The following STARD13 variants were observed in gnomAD, a reference collection of about 807,000 sequenced individuals.
STARD13 encodes StAR related lipid transfer domain containing 13.
In STARD13, 62 loss-of-function variants were observed where a neutral mutation model predicts 106.4. The observed-to-expected ratio is 0.58, with a 90% CI of 0.48 to 0.72. STARD13 has a LOEUF of 0.72. Ranked by LOEUF, STARD13 falls within the 30% of genes least tolerant of loss-of-function variation. The pLI is 0.00. For synonymous variants in STARD13, 565 were observed against 553.0 expected (o/e 1.02, Z -0.31); for missense variants, 1,387 against 1,424.0 (o/e 0.97, Z 0.42).
chr13:33,666,461 T>C, the STARD13 span, among the ~76,000 whole-genome samples: 2 of 150,226 alleles, frequency 1.3e-5, no homozygotes, highest in African/African-American at 5.0e-5. Context: ...GCCCGGCTAA[T>C]TTTTTTTGTA....
the STARD13 span, among the ~76,000 whole-genome samples, chr13:33,614,251 T>C: frequency 8.0e-6 from 1 of 124,308 alleles, no homozygotes; most frequent in Non-Finnish European, 1.8e-5. Context: ...ATAGACCGTA[T>C]CTCTATGGAT....
chr13:33,518,864 CT>C, the STARD13 span, among the ~76,000 whole-genome samples: 1 of 110,680 alleles, frequency 9.0e-6, no homozygotes, highest in East Asian at 2.5e-4. Flanking sequence ...TGAACCAAAT[CT>C]ATTTCTACCC....
chr13:33,320,496 T>C (rs151245517), intron 1 of STARD13, among the ~76,000 whole-genome samples: 44 of 152,350 alleles, frequency 2.9e-4, no homozygotes, highest in African/African-American at 9.6e-4. Flanking sequence ...GCTAGCTAAC[T>C]AGCATGGAAA....
At chr13:33,377,337 T>C in the STARD13 span, among the ~76,000 whole-genome samples, 15 of 152,194 alleles carry the variant, frequency 9.9e-5, no homozygotes, top group Admixed American at 9.8e-4. Context: ...TGTCTTCTTT[T>C]GAATGTGAAG....
At chr13:33,493,424 T>C in the STARD13 span, among the ~76,000 whole-genome samples, 1 of 152,338 alleles carries the variant, frequency 6.6e-6, no homozygotes. Context: ...CAGTGAACAC[T>C]AATGTAAACA....
chr13:33,327,255 G>A (rs956662691), intron 1 of STARD13, among the ~76,000 whole-genome samples: 2 of 152,096 alleles, frequency 1.3e-5, no homozygotes, highest in African/African-American at 2.4e-5. Flanking sequence ...CTTGAGAGAC[G>A]ATATTCATTT....
chr13:33,325,917 G>A (rs1370320109), intron 1 of STARD13, among the ~76,000 whole-genome samples: 1 of 149,714 alleles, frequency 6.7e-6, no homozygotes, highest in Non-Finnish European at 1.5e-5. Context: ...CCCGGGAGGC[G>A]GAGCTTGCAG....
intron 1 of STARD13, among the ~76,000 whole-genome samples, chr13:33,305,216 A>G (rs1892861331): frequency 6.6e-6 from 1 of 152,192 alleles, no homozygotes; most frequent in African/African-American, 2.4e-5. Context: ...ATTAATCAAG[A>G]CTGCCAGGTA....
the STARD13 span, among the ~76,000 whole-genome samples, chr13:33,369,150 G>T: frequency 2.3e-3 from 348 of 152,068 alleles, 5 homozygotes; most frequent in African/African-American, 8.0e-3. Context: ...CTCTACAAGT[G>T]GGGTAACATC....
chr13:33,495,723 A>G, the STARD13 span, among the ~76,000 whole-genome samples: 1 of 151,182 alleles, frequency 6.6e-6, no homozygotes, highest in African/African-American at 2.4e-5. Flanking sequence ...GGATGATTTA[A>G]ATCAATTTTC....
intron 3 of STARD13, among the ~76,000 whole-genome samples, chr13:33,152,006 A>T (rs897039216): frequency 1.3e-5 from 2 of 151,944 alleles, no homozygotes; most frequent in South Asian, 2.1e-4. Flanking sequence ...ACAGGGAGCT[A>T]AGATATGGGG....
At chr13:33,608,215 C>T in the STARD13 span, among the ~76,000 whole-genome samples, 10 of 152,134 alleles carry the variant, frequency 6.6e-5, no homozygotes, top group Middle Eastern at 3.2e-3. Context: ...CCCATGAAAA[C>T]ATTTTTAAAA....
the STARD13 span, among the ~76,000 whole-genome samples, chr13:33,624,384 C>G: frequency 2.0e-5 from 3 of 152,274 alleles, no homozygotes; most frequent in Non-Finnish European, 4.4e-5. Context: ...CCGCTGCGGG[C>G]AGAGTGAGGC....
In STARD13 at chr13:33,129,086, G is replaced by C. The variant is rs535753879; in HGVS notation, c.1591C>G (p.Gln531Glu). ...TTACCTTCAAAATCTAAGGTGATCT[G>C]ATTAGGAGATGGAAAGGTGGATAAG... The part of the protein sequence containing the change: ...PGLSTFPSPN[Q>E]ITLDFEGNSV... The change falls in exon 5 of 14, where the codon CAG (glutamine) becomes GAG (glutamate). Residue 531 changes from glutamine (Q) to glutamate (E), a missense_variant. Transcript: ENST00000336934. The C allele has an allele frequency of 2.2e-5, 35 of 1,614,040 alleles. 1 individual carries two copies. Among genetic ancestry groups the C allele is most frequent in the South Asian group, 1.8e-4 (16 of 91,062 alleles).
chr13:33,448,645 G>T, the STARD13 span, among the ~76,000 whole-genome samples: 1 of 152,086 alleles, frequency 6.6e-6, no homozygotes. Context: ...GGAGTACAGG[G>T]TAGTTCTATT....
chr13:33,448,751 G>T, the STARD13 span, among the ~76,000 whole-genome samples: 1 of 151,926 alleles, frequency 6.6e-6, no homozygotes, highest in Non-Finnish European at 1.5e-5. Context: ...TTTTCTCCGC[G>T]TCTTCACCAA....
At chr13:33,411,951 A>G in the STARD13 span, among the ~76,000 whole-genome samples, 1 of 152,204 alleles carries the variant, frequency 6.6e-6, no homozygotes, top group Non-Finnish European at 1.5e-5. Context: ...AACCTACCCC[A>G]ATAGAATGAC....
At chr13:33,446,031 T>A in the STARD13 span, among the ~76,000 whole-genome samples, 3 of 152,122 alleles carry the variant, frequency 2.0e-5, no homozygotes, top group Non-Finnish European at 4.4e-5. Context: ...ATAAAAAGTA[T>A]AGGGTTTAAA....
At chr13:33,477,918 C>A in the STARD13 span, among the ~76,000 whole-genome samples, 34 of 152,268 alleles carry the variant, frequency 2.2e-4, no homozygotes, top group African/African-American at 7.2e-4. Flanking sequence ...TCAGGCTTCC[C>A]AGATTGTTAA....
Sources: allele counts gnomAD v4.1 joint callset (sites outside exome capture counted in the v4.1 genomes callset), GRCh38; gene constraint gnomAD v4.1.1; transcripts MANE v1.5; gene names NCBI Gene and HGNC (gene_info 2026-07-23, HGNC 2026-07-21).